The following MBD5 variants were observed in gnomAD, a reference collection of about 807,000 sequenced individuals.
The protein encoded by MBD5 is methyl-CpG binding domain protein 5, also known as methyl-CpG-binding domain protein 5.
Under a neutral mutation model 117.3 loss-of-function variants are expected in MBD5, and 13 were observed. The observed-to-expected ratio is 0.11, with a 90% CI of 0.07 to 0.18. The LOEUF is 0.18. Among genes scored for constraint, MBD5 ranks in the 10% least tolerant of loss-of-function variants. The pLI is 1.00. For synonymous variants in MBD5, 727 were observed against 766.4 expected (o/e 0.95, Z 0.85); for missense variants, 1,879 against 2,093.8 (o/e 0.90, Z 2.00).
At chr2:148,349,374 C>T (rs1298415445) in intron 4 of MBD5, among the ~76,000 whole-genome samples, 1 of 151,908 alleles carries the variant, frequency 6.6e-6, no homozygotes, top group Non-Finnish European at 1.5e-5. Flanking sequence ...GCCTATTCTC[C>T]TTCATATCAT....
At chr2:148,388,766 T>C (rs1704457574) in intron 4 of MBD5, among the ~76,000 whole-genome samples, 1 of 152,174 alleles carries the variant, frequency 6.6e-6, no homozygotes, top group Non-Finnish European at 1.5e-5. Flanking sequence ...CATCTCCCTT[T>C]TTTATAAGGA....
rs1705909446 is a variant in MBD5, at chr2:148,429,312, A to T, written c.-556-28891A>T. Among the ~76,000 whole-genome samples, 6 of 152,348 alleles carry T rather than the reference A, an allele frequency of 3.9e-5. No homozygotes were observed. In the South Asian group the frequency reaches 1.2e-3, roughly 32 times the overall value. On this transcript the variant is annotated intron_variant, in intron 4 of 13. Transcript: ENST00000642680. ...CCACAATGAGATACCATCTCACACC[A>T]GTTAGAATGGTGTTCATTAACAAGT... is the stretch of plus-strand genomic sequence containing the variant.
chr2:148,257,607 T>G (rs1700620554), intron 3 of MBD5, among the ~76,000 whole-genome samples: 1 of 152,176 alleles, frequency 6.6e-6, no homozygotes, highest in Non-Finnish European at 1.5e-5. Flanking sequence ...ATGCCACCAC[T>G]TCTAAATCTG....
intron 1 of MBD5, among the ~76,000 whole-genome samples, chr2:148,102,418 A>T (rs187732201): frequency 1.1e-4 from 16 of 152,270 alleles, no homozygotes; most frequent in Admixed American, 1.0e-3. Flanking sequence ...GTTATTCTCT[A>T]TGTCACAGAG....
chr2:148,052,685 A>G (rs1694749220), intron 1 of MBD5, among the ~76,000 whole-genome samples: 1 of 151,950 alleles, frequency 6.6e-6, no homozygotes, highest in Non-Finnish European at 1.5e-5. Context: ...ATGTTGTTGA[A>G]TTTCCACATA....
intron 1 of MBD5, among the ~76,000 whole-genome samples, chr2:148,092,312 G>A (rs917026465): frequency 6.6e-6 from 1 of 152,132 alleles, no homozygotes; most frequent in Non-Finnish European, 1.5e-5. Flanking sequence ...CCAATACTGG[G>A]TATCTACCTA....
At chr2:148,428,114 ATC>A (rs1419450160) in intron 4 of MBD5, among the ~76,000 whole-genome samples, 1 of 152,202 alleles carries the variant, frequency 6.6e-6, no homozygotes, top group African/African-American at 2.4e-5. Context: ...TCTGCCCAAA[ATC>A]TCCTTAAGCA....
intron 3 of MBD5, among the ~76,000 whole-genome samples, chr2:148,275,289 C>G (rs1701081626): frequency 6.6e-6 from 1 of 151,804 alleles, no homozygotes; most frequent in Non-Finnish European, 1.5e-5. Flanking sequence ...TTATTGCTTC[C>G]CCTCCATCCA....
chr2:148,250,776 CA>C (rs903921884), intron 3 of MBD5, among the ~76,000 whole-genome samples: 1 of 152,088 alleles, frequency 6.6e-6, no homozygotes, highest in African/African-American at 2.4e-5. Context: ...TCTTATTTCA[CA>C]GAAAAGAAAG....
At chr2:148,204,768 A>G (rs1041181672) in intron 2 of MBD5, among the ~76,000 whole-genome samples, 1 of 152,196 alleles carries the variant, frequency 6.6e-6, no homozygotes, top group African/African-American at 2.4e-5. Flanking sequence ...ACAAATATAA[A>G]GACAGTTTTG....
chr2:148,438,425 C>T (rs986998515), intron 4 of MBD5, among the ~76,000 whole-genome samples: 1 of 152,146 alleles, frequency 6.6e-6, no homozygotes, highest in Non-Finnish European at 1.5e-5. Context: ...TAGCTTTATA[C>T]TTTGTATCTG....
chr2:148,322,443 A>G (rs1574284308), intron 3 of MBD5, among the ~76,000 whole-genome samples: 2 of 152,294 alleles, frequency 1.3e-5, no homozygotes, highest in African/African-American at 4.8e-5. Flanking sequence ...AATGTTTGTT[A>G]AATTTCGTTA....
chr2:148,341,776 T>C (rs1702953214), intron 3 of MBD5, among the ~76,000 whole-genome samples: 1 of 151,956 alleles, frequency 6.6e-6, no homozygotes, highest in Non-Finnish European at 1.5e-5. Context: ...CTTGTATCAT[T>C]ATAGTGATCA....
At chr2:148,512,362 A>G (rs963863124) in intron 13 of MBD5, 1 of 177,512 alleles carries the variant, frequency 5.6e-6, no homozygotes, top group Non-Finnish European at 1.2e-5. Flanking sequence ...ATGAACAAAC[A>G]TCCTTGGGCT....
At position 148,489,692 on chromosome 2, in the gene MBD5, A is replaced by G. The variant is rs796052717; in HGVS notation, c.4060A>G (p.Ser1354Gly). Residue 1354 changes from serine to glycine, a missense_variant, in exon 11 of 14, where the codon AGT becomes GGT. Physicochemically the swap from Ser to Gly is moderately conservative, Grantham distance 56. Transcript: ENST00000642680. ...TCAGATCAGCCCCATTCCAGCTCTG[A>G]GTGCCATGAGTGCCTTCACTGCCTC... ...TTQISPIPAL[S>G]AMSAFTASIG... 4 of 1,614,094 alleles carry G rather than the reference A, an allele frequency of 2.5e-6. No individual in the cohort carries two copies. Among genetic ancestry groups the G allele is most frequent in the Non-Finnish European group, 3.4e-6 (4 of 1,180,048 alleles).
intron 13 of MBD5, among the ~76,000 whole-genome samples, chr2:148,511,852 A>C (rs1457436003): frequency 2.0e-5 from 3 of 152,214 alleles, no homozygotes; most frequent in Non-Finnish European, 4.4e-5. Context: ...AGCATTCTGC[A>C]TTTGAGTCTG....
At chr2:148,392,691 G>T (rs1704601278) in intron 4 of MBD5, among the ~76,000 whole-genome samples, 1 of 152,060 alleles carries the variant, frequency 6.6e-6, no homozygotes, top group Non-Finnish European at 1.5e-5. Flanking sequence ...CTCAGCTCTG[G>T]CTCTGTGCTA....
At chr2:148,422,129 C>T (rs963548783) in intron 4 of MBD5, among the ~76,000 whole-genome samples, 2 of 152,178 alleles carry the variant, frequency 1.3e-5, no homozygotes, top group African/African-American at 4.8e-5. Flanking sequence ...CCCCATGTAT[C>T]CTGACTGGGA....
chr2:148,480,128 A>G (rs941984976), intron 8 of MBD5, among the ~76,000 whole-genome samples: 40 of 152,194 alleles, frequency 2.6e-4, no homozygotes, highest in African/African-American at 9.4e-4. Context: ...GTTGAAAATT[A>G]AAGAAAAATT....
Sources: allele counts gnomAD v4.1 joint callset (sites outside exome capture counted in the v4.1 genomes callset), GRCh38; gene constraint gnomAD v4.1.1; transcripts MANE v1.5; gene names NCBI Gene and HGNC (gene_info 2026-07-23, HGNC 2026-07-21).